Variants in NKAIN2 observed in about 807,000 individuals in gnomAD.
NKAIN2 encodes the protein sodium/potassium transporting ATPase interacting 2.
In NKAIN2, 14 loss-of-function variants were observed where a neutral mutation model predicts 32.6. The observed-to-expected ratio is 0.43, with a 90% CI of 0.28 to 0.67. The LOEUF (loss-of-function observed/expected upper bound fraction) is 0.67, where lower values mean the gene tolerates loss of function less well. NKAIN2 is among the 30% of genes least tolerant of loss of function. The pLI is 0.17. For synonymous variants in NKAIN2, 80 were observed against 87.2 expected (o/e 0.92, Z 0.46); for missense variants, 198 against 258.3 (o/e 0.77, Z 1.60).
At chr6:124,820,261 T>C (rs1781338469) in intron 6 of NKAIN2, among the ~76,000 whole-genome samples, 1 of 152,178 alleles carries the variant, frequency 6.6e-6, no homozygotes, top group Admixed American at 6.5e-5. Context: ...TCAGGACTAG[T>C]GGTTAAGACG....
intron 3 of NKAIN2, among the ~76,000 whole-genome samples, chr6:124,574,655 A>G (rs867866807): frequency 6.6e-6 from 1 of 152,226 alleles, no homozygotes; most frequent in South Asian, 2.1e-4. Context: ...ACAAACAAAC[A>G]AAAACACCAG....
At chr6:123,960,073 G>A (rs1485270881) in intron 1 of NKAIN2, among the ~76,000 whole-genome samples, 2 of 151,888 alleles carry the variant, frequency 1.3e-5, no homozygotes. Flanking sequence ...TGTCATGTGG[G>A]TTTGCTGTGA....
chr6:124,344,204 T>G (rs1045683347), intron 2 of NKAIN2, among the ~76,000 whole-genome samples: 1 of 152,314 alleles, frequency 6.6e-6, no homozygotes, highest in Admixed American at 6.5e-5. Flanking sequence ...TCTGTTTTGG[T>G]ACCAGTACCA....
chr6:124,583,720 C>T (rs904113972), intron 3 of NKAIN2, among the ~76,000 whole-genome samples: 1 of 152,158 alleles, frequency 6.6e-6, no homozygotes, highest in Admixed American at 6.5e-5. Flanking sequence ...CTGGAAGAAT[C>T]ACATTATTTG....
At chr6:124,406,634 GT>G (rs2114476930) in intron 3 of NKAIN2, among the ~76,000 whole-genome samples, 1 of 152,114 alleles carries the variant, frequency 6.6e-6, no homozygotes, top group East Asian at 1.9e-4. Flanking sequence ...ATGGTTGTAT[GT>G]TTAATTTTTA....
At chr6:124,571,494 G>A (rs189830365) in intron 3 of NKAIN2, among the ~76,000 whole-genome samples, 6 of 152,230 alleles carry the variant, frequency 3.9e-5, no homozygotes, top group Middle Eastern at 3.4e-3. Flanking sequence ...TAGTGAGTAA[G>A]TCTCATGAGA....
At chr6:123,841,784 C>T (rs1774882605) in intron 1 of NKAIN2, among the ~76,000 whole-genome samples, 1 of 152,156 alleles carries the variant, frequency 6.6e-6, no homozygotes, top group South Asian at 2.1e-4. Flanking sequence ...GGAAAACCAA[C>T]AAAGCTAACA....
At chr6:123,832,524 C>T (rs1299025994) in intron 1 of NKAIN2, among the ~76,000 whole-genome samples, 2 of 152,114 alleles carry the variant, frequency 1.3e-5, no homozygotes, top group African/African-American at 4.8e-5. Flanking sequence ...GGTAAGAATA[C>T]ATTTAATTTT....
At chr6:123,849,544 A>C (rs1775228965) in intron 1 of NKAIN2, among the ~76,000 whole-genome samples, 1 of 152,174 alleles carries the variant, frequency 6.6e-6, no homozygotes, top group African/African-American at 2.4e-5. Flanking sequence ...AGCTACAGGC[A>C]GAAGTCTGGG....
At chr6:123,933,696 A>G (rs1369322026) in intron 1 of NKAIN2, among the ~76,000 whole-genome samples, 1 of 152,172 alleles carries the variant, frequency 6.6e-6, no homozygotes, top group Non-Finnish European at 1.5e-5. Context: ...CCTCAAAGCA[A>G]TTCTGGTTCA....
At chr6:124,658,651 C>A in intron 4 of NKAIN2, 1 of 796,372 alleles carries the variant, frequency 1.3e-6, no homozygotes, top group Non-Finnish European at 1.9e-6. Context: ...GATGTGATTA[C>A]GTGACTTTTG....
intron 3 of NKAIN2, among the ~76,000 whole-genome samples, chr6:124,657,505 T>C (rs1784582946): frequency 6.6e-6 from 1 of 152,136 alleles, no homozygotes; most frequent in Non-Finnish European, 1.5e-5. Context: ...TTCATCTAAA[T>C]AGTTGATTTA....
At position 124,451,556 on chromosome 6, in the gene NKAIN2, A is replaced by G. The variant is rs150524109; in HGVS notation, c.273+96209A>G. 4.3e-3 allele frequency among the ~76,000 whole-genome samples: 659 copies of G among 152,198 alleles called. 10 individuals carry two copies. The highest frequency in any genetic ancestry group is 0.015 in the African/African-American group (634 of 41,544). ...TATTCGCAAGCTAGGGTGCTCATAA[A>G]AGAGGATGAGAGACCAATTATGATT... On this transcript the variant is annotated intron_variant, in intron 3 of 6. Transcript: ENST00000368417.
intron 1 of NKAIN2, among the ~76,000 whole-genome samples, chr6:124,259,999 A>C (rs972706787): frequency 5.3e-5 from 8 of 152,210 alleles, no homozygotes; most frequent in Non-Finnish European, 2.9e-5. Context: ...ACTTTGTTGA[A>C]GATAATGAAC....
At chr6:124,355,209 A>G (rs1397521014) in intron 2 of NKAIN2, 58 bp from the exon 3 acceptor site, 1 of 1,148,080 alleles carries the variant, frequency 8.7e-7, no homozygotes, top group Non-Finnish European at 1.3e-6. Flanking sequence ...TTTTATTTGA[A>G]TCATACTCAA....
Position 124,236,683 on chromosome 6 carries a change from A to T in NKAIN2, c.55-46322A>T, listed in dbSNP as rs188404393. ...CAGATTCCTTGGTTTTGTCTAAGGC[A>T]ACTGTATTTTAACAATCTGGTTTGG... On this transcript the variant is annotated intron_variant, in intron 1 of 6. Coordinates refer to ENST00000368417, the MANE Select transcript of NKAIN2 (RefSeq NM_001040214.3). Among the ~76,000 whole-genome samples the T allele has an allele frequency of 1.4e-4, 22 of 152,286 alleles. No homozygotes were observed. In the East Asian group the frequency reaches 4.1e-3, roughly 28 times the overall value.
chr6:124,630,813 C>T (rs902766181), intron 3 of NKAIN2, among the ~76,000 whole-genome samples: 4 of 152,090 alleles, frequency 2.6e-5, no homozygotes, highest in Admixed American at 1.3e-4. Context: ...CTTCAGTCCA[C>T]GCGAAGTAAC....
chr6:124,774,030 G>A (rs1028742960), intron 4 of NKAIN2, among the ~76,000 whole-genome samples: 4 of 152,290 alleles, frequency 2.6e-5, no homozygotes, highest in Admixed American at 2.0e-4. Context: ...CCTCTGTAAT[G>A]ACACTGGCCT....
At chr6:124,033,323 C>G (rs1336397385) in intron 1 of NKAIN2, among the ~76,000 whole-genome samples, 1 of 151,926 alleles carries the variant, frequency 6.6e-6, no homozygotes, top group African/African-American at 2.4e-5. Context: ...TTTTAAATGT[C>G]GGTTAGAAAA....
Sources: gnomAD v4.1 joint callset for allele counts (sites outside exome capture counted in the v4.1 genomes callset) on GRCh38, gnomAD v4.1.1 for gene constraint, MANE v1.5 for transcripts, NCBI Gene and HGNC (gene_info 2026-07-23, HGNC 2026-07-21) for gene names.